Variants in PRKG1 observed in about 807,000 individuals in gnomAD.
The protein encoded by PRKG1 is protein kinase cGMP-dependent 1.
A neutral mutation model predicts 88.1 loss-of-function variants in PRKG1; 35 were observed. The ratio of observed to expected loss-of-function variants is 0.40; its 90% CI spans 0.30 to 0.53. PRKG1 has a LOEUF of 0.53. Among genes scored for constraint, PRKG1 ranks in the 20% least tolerant of loss-of-function variants. PRKG1 has a pLI of 0.59. For synonymous variants in PRKG1, 303 were observed against 292.5 expected (o/e 1.04, Z -0.37); for missense variants, 540 against 839.8 (o/e 0.64, Z 4.41).
At chr10:51,159,551 C>T (rs563249585) in intron 2 of PRKG1, among the ~76,000 whole-genome samples, 1 of 152,186 alleles carries the variant, frequency 6.6e-6, no homozygotes, top group African/African-American at 2.4e-5. Flanking sequence ...AAGAGGTTAT[C>T]ACAAATAAGG....
At chr10:51,389,164 C>T (rs750359664) in intron 2 of PRKG1, among the ~76,000 whole-genome samples, 22 of 152,098 alleles carry the variant, frequency 1.4e-4, no homozygotes, top group Non-Finnish European at 4.4e-5. Context: ...CCTTAAGAAA[C>T]GAGTACAAAT....
chr10:51,894,266 C>T (rs1841789105), intron 4 of PRKG1, among the ~76,000 whole-genome samples: 1 of 152,138 alleles, frequency 6.6e-6, no homozygotes, highest in South Asian at 2.1e-4. Context: ...AGAAGAACAA[C>T]ATAAATGAAC....
At chr10:52,060,490 C>T (rs1417587599) in intron 6 of PRKG1, among the ~76,000 whole-genome samples, 3 of 151,652 alleles carry the variant, frequency 2.0e-5, no homozygotes, top group Admixed American at 2.0e-4. Context: ...CAAAAATAAT[C>T]AGTCCAATAG....
At chr10:52,201,545 C>A (rs1191839231) in intron 9 of PRKG1, among the ~76,000 whole-genome samples, 1 of 151,896 alleles carries the variant, frequency 6.6e-6, no homozygotes, top group African/African-American at 2.4e-5. Flanking sequence ...CTTTTTTTGG[C>A]TCCACATGAA....
At chr10:52,031,104 A>C (rs1353860915) in intron 5 of PRKG1, among the ~76,000 whole-genome samples, 1 of 152,152 alleles carries the variant, frequency 6.6e-6, no homozygotes, top group African/African-American at 2.4e-5. Flanking sequence ...TCATTGATCC[A>C]CACAGAACCA....
intron 7 of PRKG1, chr10:52,128,461 T>A: frequency 2.0e-6 from 2 of 985,388 alleles, no homozygotes; most frequent in Non-Finnish European, 2.4e-6. Context: ...CCTGTATGGA[T>A]TATTCAGATA....
At chr10:51,435,227 G>A (rs1838887386) in intron 2 of PRKG1, among the ~76,000 whole-genome samples, 1 of 152,016 alleles carries the variant, frequency 6.6e-6, no homozygotes, top group African/African-American at 2.4e-5. Context: ...TTTTTGGCTT[G>A]TAATGGCATT....
intron 3 of PRKG1, among the ~76,000 whole-genome samples, chr10:51,541,246 T>C (rs1254646682): frequency 6.6e-6 from 1 of 152,098 alleles, no homozygotes; most frequent in Admixed American, 6.6e-5. Flanking sequence ...GGGTTCGCGC[T>C]CCTATAAGAA....
intron 3 of PRKG1, among the ~76,000 whole-genome samples, chr10:51,605,246 G>A (rs893696361): frequency 6.6e-6 from 1 of 152,112 alleles, no homozygotes; most frequent in African/African-American, 2.4e-5. Flanking sequence ...ACAGGATGGG[G>A]GGGCATGGTG....
intron 5 of PRKG1, among the ~76,000 whole-genome samples, chr10:51,998,264 C>T (rs1241664160): frequency 1.3e-5 from 2 of 151,868 alleles, no homozygotes; most frequent in African/African-American, 4.8e-5. Context: ...ACAAAATTCC[C>T]TCTCATTGGT....
intron 2 of PRKG1, among the ~76,000 whole-genome samples, chr10:51,330,104 CTTTTATTT>C (rs781140142): frequency 5.0e-5 from 6 of 119,004 alleles, no homozygotes; most frequent in South Asian, 3.0e-4. Context: ...TACATTTGCT[CTTTTATTT>C]ATTTATTTAT....
intron 1 of PRKG1, among the ~76,000 whole-genome samples, chr10:51,089,500 C>G (rs1490160008): frequency 6.6e-6 from 1 of 152,178 alleles, no homozygotes; most frequent in East Asian, 1.9e-4. Context: ...CAACATTAAT[C>G]AAAATAAACA....
At chr10:51,635,480 T>C (rs948857224) in intron 3 of PRKG1, among the ~76,000 whole-genome samples, 3 of 152,204 alleles carry the variant, frequency 2.0e-5, no homozygotes, top group African/African-American at 7.2e-5. Flanking sequence ...TAAATAAATT[T>C]TTTTTCTTCC....
At chr10:51,103,347 C>T (rs2131884593) in intron 1 of PRKG1, among the ~76,000 whole-genome samples, 1 of 152,222 alleles carries the variant, frequency 6.6e-6, no homozygotes, top group Non-Finnish European at 1.5e-5. Flanking sequence ...TTTTAGAATA[C>T]TGGGCAAGCT....
intron 3 of PRKG1, among the ~76,000 whole-genome samples, chr10:51,582,151 C>T (rs897140305): frequency 1.6e-4 from 24 of 152,154 alleles, no homozygotes; most frequent in African/African-American, 5.8e-4. Flanking sequence ...AGCCTCAGAA[C>T]CTGAATAGTG....
intron 2 of PRKG1, among the ~76,000 whole-genome samples, chr10:51,236,581 C>A (rs1838995757): frequency 6.6e-6 from 1 of 151,712 alleles, no homozygotes; most frequent in Admixed American, 6.6e-5. Flanking sequence ...TGGCTCACTG[C>A]AACCTCTACC....
At position 52,196,018 on chromosome 10, in the gene PRKG1, G is replaced by T. The variant is rs529944119; in HGVS notation, c.1076+34055G>T. Among the ~76,000 whole-genome samples, 338 of 150,474 alleles carry T rather than the reference G, an allele frequency of 2.2e-3. 2 individuals carry two copies. Among genetic ancestry groups the T allele is most frequent in the African/African-American group, 7.1e-3 (293 of 41,076 alleles). ...TGCAAAAAAATGTTTTTTGTTTTTT[G>T]TTTTTTTTTCCTGAGATGGAGTCTC... On this transcript the variant is annotated intron_variant, in intron 9 of 17. Transcript: ENST00000373980.
At chr10:51,536,000 G>C (rs1311395679) in intron 3 of PRKG1, among the ~76,000 whole-genome samples, 1 of 152,158 alleles carries the variant, frequency 6.6e-6, no homozygotes, top group African/African-American at 2.4e-5. Flanking sequence ...TGTGATTACA[G>C]GCATGAGCCA....
chr10:51,033,237 C>G (rs879606150), intron 1 of PRKG1, among the ~76,000 whole-genome samples: 2 of 152,140 alleles, frequency 1.3e-5, no homozygotes, highest in Admixed American at 6.6e-5. Flanking sequence ...AATGCCCACC[C>G]CATCATGTCC....
Sources: allele counts gnomAD v4.1 joint callset (sites outside exome capture counted in the v4.1 genomes callset), GRCh38; gene constraint gnomAD v4.1.1; transcripts MANE v1.5; gene names NCBI Gene and HGNC (gene_info 2026-07-23, HGNC 2026-07-21).